Variants in PHF3 observed in about 807,000 individuals in gnomAD.
The protein encoded by PHF3 is PHD finger protein 3.
Under a neutral mutation model 178.4 loss-of-function variants are expected in PHF3, and 41 were observed. That is an observed-to-expected ratio of 0.23 (90% CI 0.18 to 0.30). The LOEUF (loss-of-function observed/expected upper bound fraction) is 0.30. PHF3 is among the 10% of genes least tolerant of loss of function. PHF3 has a pLI of 1.00. For synonymous variants in PHF3, 842 were observed against 800.5 expected (o/e 1.05, Z -0.88); for missense variants, 2,346 against 2,398.1 (o/e 0.98, Z 0.45).
At position 63,713,297 on chromosome 6, in the gene PHF3, G is replaced by A; in HGVS notation, c.5709G>A (p.Arg1903=). The A allele has an allele frequency of 1.2e-6, 2 of 1,614,032 alleles. No individual in the cohort carries two copies. The highest frequency in any genetic ancestry group is 8.5e-7 in the Non-Finnish European group (1 of 1,179,978). Residue 1903 remains arginine (R), a synonymous_variant, in exon 16 of 16, where the codon AGG becomes AGA. Transcript: ENST00000262043. The stretch of plus-strand genomic sequence containing the variant: ...GGCGCCATAGTGACCCTTGGGGTAG[G>A]CAAGACCAACAGCAACTGGATAGGC... ...PERRHSDPWG[R]QDQQQLDRPF... is the part of the protein sequence containing the mutation.
intron 1 of PHF3, among the ~76,000 whole-genome samples, chr6:63,642,523 A>G (rs1467398713): frequency 1.3e-5 from 2 of 152,238 alleles, no homozygotes; most frequent in Non-Finnish European, 2.9e-5. Context: ...ATTCACTTAT[A>G]TACTTAGCTG....
intron 1 of PHF3, among the ~76,000 whole-genome samples, chr6:63,642,568 C>T (rs1041495873): frequency 5.3e-5 from 8 of 152,110 alleles, no homozygotes; most frequent in Admixed American, 2.0e-4. Flanking sequence ...TGAATTTACC[C>T]AGAAACAATT....
At chr6:63,646,086 A>G (rs1764772209) in intron 1 of PHF3, among the ~76,000 whole-genome samples, 1 of 152,136 alleles carries the variant, frequency 6.6e-6, no homozygotes, top group Non-Finnish European at 1.5e-5. Flanking sequence ...TAGGTATGGG[A>G]TAAAAATTTA....
chr6:63,695,605 G>A (rs1714832578), intron 6 of PHF3, among the ~76,000 whole-genome samples: 1 of 152,166 alleles, frequency 6.6e-6, no homozygotes, highest in African/African-American at 2.4e-5. Flanking sequence ...AGGGTTTTGT[G>A]CAAGGGAAAA....
In PHF3 at chr6:63,685,700, A is replaced by G; in HGVS notation, c.1978A>G (p.Lys660Glu). ...CGTTGAGCATTTTAAGGAAGAGGAT[A>G]AACTGAAACTGAAAAAACCTGAGAA... ...PGVEHFKEED[K>E]LKLKKPEKNL... is the part of the protein sequence containing the mutation. The change falls in exon 4 of 16, where the codon AAA (lysine) becomes GAA (glutamate). Residue 660 changes from lysine (K) to glutamate (E), a missense_variant. Transcript: ENST00000262043. 6.2e-7 allele frequency: 1 copy of G among 1,614,136 alleles called. No individual in the cohort carries two copies. The highest frequency in any genetic ancestry group is 8.5e-7 in the Non-Finnish European group (1 of 1,180,014).
intron 2 of PHF3, among the ~76,000 whole-genome samples, chr6:63,658,194 C>G (rs1026068466): frequency 6.6e-6 from 1 of 152,172 alleles, no homozygotes; most frequent in South Asian, 2.1e-4. Context: ...TTTAGAGATT[C>G]TAAAAGTTAG....
chr6:63,652,465 A>G (rs1229987608), intron 2 of PHF3, among the ~76,000 whole-genome samples: 1 of 152,118 alleles, frequency 6.6e-6, no homozygotes, highest in East Asian at 1.9e-4. Context: ...CTCAGTAGCA[A>G]ATATTTTCTC....
chr6:63,645,129 C>G (rs949821288), intron 1 of PHF3, among the ~76,000 whole-genome samples: 2 of 152,010 alleles, frequency 1.3e-5, no homozygotes, highest in Non-Finnish European at 2.9e-5. Flanking sequence ...AGTGATCTGC[C>G]CACTTCCCGA....
intron 2 of PHF3, among the ~76,000 whole-genome samples, chr6:63,659,421 A>C (rs1765373119): frequency 6.6e-6 from 1 of 152,222 alleles, no homozygotes; most frequent in Non-Finnish European, 1.5e-5. Context: ...TATTGTAGGC[A>C]GATGCAGCTT....
chr6:63,689,049 A>G (rs988308023), intron 4 of PHF3, among the ~76,000 whole-genome samples: 1 of 152,210 alleles, frequency 6.6e-6, no homozygotes, highest in African/African-American at 2.4e-5. Context: ...AGCAACTTCT[A>G]TGCATATCCT....
At chr6:63,643,367 G>A (rs1764656819) in intron 1 of PHF3, among the ~76,000 whole-genome samples, 1 of 152,116 alleles carries the variant, frequency 6.6e-6, no homozygotes, top group Admixed American at 6.6e-5. Context: ...GCTACATGCT[G>A]TTCATTTTTG....
intron 14 of PHF3, 21 bp from the exon 15 acceptor site, chr6:63,711,146 A>G: frequency 6.5e-7 from 1 of 1,545,276 alleles, no homozygotes; most frequent in Non-Finnish European, 8.8e-7. Flanking sequence ...TTAAACAATT[A>G]TTTGTTATTT....
rs751808696 is a variant in PHF3, at chr6:63,684,831, T to G, written c.1109T>G (p.Val370Gly). Residue 370 changes from valine (V) to glycine (G), a missense_variant, in exon 4 of 16, where the codon GTG (valine) becomes GGG (glycine). Around this residue, in one of 8 missense-constraint regions of PHF3, gnomAD observed 843 missense variants for 795.2 expected, o/e 1.06. Coordinates refer to ENST00000262043, the MANE Select transcript of PHF3 (RefSeq NM_001370348.2). The part of the protein sequence containing the change: ...LVGLPSCVDE[V>G]TECNLELKDT... Reference sequence around the variant, plus strand: ...GGTTTGCCTAGTTGTGTAGATGAAGTGACTGAATGTAATTTGGAATTGAAG... The same window carrying G: ...GGTTTGCCTAGTTGTGTAGATGAAGGGACTGAATGTAATTTGGAATTGAAG... 1 of 1,613,140 alleles carries G rather than the reference T, an allele frequency of 6.2e-7. No homozygotes were observed. Among genetic ancestry groups the G allele is most frequent in the Non-Finnish European group, 8.5e-7 (1 of 1,179,510 alleles).
rs1010576555 is a variant in PHF3, at chr6:63,716,409, A to G, written c.*2701A>G. Among the ~76,000 whole-genome samples, 13 of 152,098 alleles carry G rather than the reference A, an allele frequency of 8.5e-5. No homozygotes were observed. Among genetic ancestry groups the G allele is most frequent in the South Asian group, 4.1e-4 (2 of 4,822 alleles). ...CTGAAACCCTTCACTGAGCAACCCA[A>G]CTGTTCAGTGTGAGTCAGAAGACAC... On this transcript the variant is annotated 3_prime_UTR_variant, in exon 16 of 16. Coordinates refer to ENST00000262043, the MANE Select transcript of PHF3 (RefSeq NM_001370348.2).
At position 63,718,835 on chromosome 6, in the gene PHF3, T is replaced by G. The variant is rs571375006; in HGVS notation, c.*5127T>G. Among the ~76,000 whole-genome samples the G allele has an allele frequency of 9.5e-4, 145 of 152,146 alleles. No individual in the cohort carries two copies. Among genetic ancestry groups the G allele is most frequent in the African/African-American group, 3.3e-3 (139 of 41,552 alleles). On this transcript the variant is annotated 3_prime_UTR_variant, in exon 16 of 16. Transcript: ENST00000262043. The stretch of plus-strand genomic sequence containing the variant: ...TTTTGTAAGCTTTCATAAAACAGCC[T>G]TCTTTTTATACATAAAGTATGTTTT...
At chr6:63,641,345 A>C (rs1764563013) in intron 1 of PHF3, among the ~76,000 whole-genome samples, 1 of 152,068 alleles carries the variant, frequency 6.6e-6, no homozygotes, top group African/African-American at 2.4e-5. Context: ...CACCACCATC[A>C]CTATTGCCTT....
chr6:63,645,463 A>G (rs1013030892), intron 1 of PHF3, among the ~76,000 whole-genome samples: 2 of 152,188 alleles, frequency 1.3e-5, no homozygotes, highest in Non-Finnish European at 2.9e-5. Context: ...GAATGTTAGC[A>G]TGTATCTGAA....
chr6:63,636,068 C>T lies in PHF3; in HGVS notation c.-108C>T, dbSNP rs930029815. The T allele has an allele frequency of 3.1e-5, 12 of 392,722 alleles. No homozygotes were observed. The highest frequency in any genetic ancestry group is 5.4e-5 in the Non-Finnish European group (12 of 222,674). The allele number at this position is 392,722 out of a possible 1,614,324, so 24.3% of individuals were successfully genotyped here. A position where few individuals can be genotyped will look rare whatever the true frequency, so the allele number is the denominator to read the frequency against. ...CCCCCTCTCCGCGGCACCCACCGGG[C>T]CCCCTCCTCCTCCTCTTCGGCGGCG... On this transcript the variant is annotated 5_prime_UTR_variant, in exon 1 of 16. Transcript: ENST00000262043.
intron 14 of PHF3, among the ~76,000 whole-genome samples, chr6:63,709,993 C>T (rs891706256): frequency 3.9e-4 from 59 of 152,022 alleles, no homozygotes; most frequent in Non-Finnish European, 4.6e-4. Flanking sequence ...TTTCCCTCCA[C>T]GGGATGTGAT....
Sources: gnomAD v4.1 joint callset for allele counts (sites outside exome capture counted in the v4.1 genomes callset) on GRCh38, gnomAD v4.1.1 for gene constraint, gnomAD v4.1.1 regional missense constraint, MANE v1.5 for transcripts, NCBI Gene and HGNC (gene_info 2026-07-23, HGNC 2026-07-21) for gene names.